Variants in NPHP1 observed in about 807,000 individuals in gnomAD.
NPHP1 encodes nephrocystin-1.
NPHP1 carries 70 observed loss-of-function variants against 90.4 expected under a neutral mutation model. The observed-to-expected ratio is 0.77, with a 90% confidence interval of 0.64 to 0.95. The LOEUF is 0.95. NPHP1 is among the 40% of genes least tolerant of loss of function. NPHP1 has a pLI of 0.00. For synonymous variants in NPHP1, 256 were observed against 271.7 expected, an observed-to-expected ratio of 0.94 and a Z score of 0.57; for missense variants, 764 against 795.9, an observed-to-expected ratio of 0.96 and a Z score of 0.48.
chr2:110,143,717 A>G, intron 15 of NPHP1, 76 bp from the exon 16 acceptor site: 4 of 1,002,752 alleles, frequency 4.0e-6, no homozygotes, highest in East Asian at 2.4e-5. Flanking sequence ...CAAGTATTTC[A>G]TGAAAATATA....
chr2:110,182,902 G>A (rs13419782), intron 2 of NPHP1, among the ~76,000 whole-genome samples: 5 of 152,038 alleles, frequency 3.3e-5, no homozygotes, highest in South Asian at 2.1e-4. Context: ...AGAGATCCAC[G>A]TCATTTGCAA....
intron 2 of NPHP1, among the ~76,000 whole-genome samples, chr2:110,193,871 C>A (rs1346136048): frequency 1.3e-5 from 2 of 152,094 alleles, no homozygotes; most frequent in African/African-American, 4.8e-5. Context: ...AACCACTAAA[C>A]CACATGGAAA....
At chr2:110,155,307 G>A (rs779468599) in intron 11 of NPHP1, among the ~76,000 whole-genome samples, 12 of 152,150 alleles carry the variant, frequency 7.9e-5, no homozygotes, top group Non-Finnish European at 1.5e-4. Flanking sequence ...TGCAGGGGCG[G>A]GGCTCTCATG....
intron 16 of NPHP1, among the ~76,000 whole-genome samples, chr2:110,138,437 A>G (rs546893028): frequency 1.1e-4 from 16 of 152,314 alleles, no homozygotes; most frequent in Non-Finnish European, 1.2e-4. Context: ...GATATACAGC[A>G]TGTGATACAT....
intron 6 of NPHP1, among the ~76,000 whole-genome samples, chr2:110,167,915 T>C (rs1222717380): frequency 1.3e-5 from 2 of 152,192 alleles, no homozygotes; most frequent in African/African-American, 4.8e-5. Context: ...GTGTCAGAAG[T>C]GGCATCAGCA....
chr2:110,201,066 C>T (rs1400695837), intron 2 of NPHP1, among the ~76,000 whole-genome samples: 1 of 151,682 alleles, frequency 6.6e-6, no homozygotes, highest in African/African-American at 2.4e-5. Flanking sequence ...CAAAAAACAC[C>T]CACCTAGAAA....
intron 16 of NPHP1, among the ~76,000 whole-genome samples, chr2:110,143,054 G>A (rs1487643194): frequency 6.6e-6 from 1 of 152,150 alleles, no homozygotes; most frequent in Non-Finnish European, 1.5e-5. Flanking sequence ...AAATAGGTGT[G>A]CCTGCCTGAG....
chr2:110,130,764 C>G (rs1278772877), intron 17 of NPHP1, among the ~76,000 whole-genome samples: 2 of 152,184 alleles, frequency 1.3e-5, no homozygotes, highest in Non-Finnish European at 2.9e-5. Flanking sequence ...CTTCCCCACA[C>G]ACTTCCCTCA....
intron 19 of NPHP1, chr2:110,125,190 G>A (rs747360110): frequency 4.3e-5 from 66 of 1,531,274 alleles, no homozygotes; most frequent in Middle Eastern, 1.7e-4. Context: ...ACGACTCACC[G>A]ATTAAAGCAA....
chr2:110,142,254 G>T (rs1478919307), intron 16 of NPHP1, among the ~76,000 whole-genome samples: 2 of 151,960 alleles, frequency 1.3e-5, no homozygotes, highest in Non-Finnish European at 2.9e-5. Flanking sequence ...CTCAACTTAT[G>T]GTGGGTTATA....
intron 4 of NPHP1, 29 bp downstream of exon 4, chr2:110,178,387 TAAAAAAG>T (rs771478106): frequency 1.2e-6 from 2 of 1,607,150 alleles, no homozygotes; most frequent in Non-Finnish European, 1.7e-6. Context: ...GATATATCTT[TAAAAAAG>T]AAAAAAGAAA....
Position 110,178,541 on chromosome 2 carries a change from C to T in NPHP1, c.211G>A (p.Glu71Lys). The change falls in exon 4 of 20, where the codon GAA (glutamate) becomes AAA (lysine). Residue 71 changes from glutamate (E) to lysine (K), a missense_variant. Transcript: ENST00000445609. ...TTATAGTTTGCAACAGGTGCAGATTCATCAGCCTATGAGAGAATATAGGTC... is the reference window on the plus strand; with the variant it reads ...TTATAGTTTGCAACAGGTGCAGATTTATCAGCCTATGAGAGAATATAGGTC... The part of the protein sequence containing the change: ...NALQKLSKAD[E>K]SAPVANYNQR... The T allele has an allele frequency of 6.2e-7, 1 of 1,613,292 alleles. No homozygotes were observed. The highest frequency in any genetic ancestry group is 2.2e-5 in the East Asian group (1 of 44,838).
rs1175597090 is a variant in NPHP1, at chr2:110,200,249, T to C, written c.143+1172A>G. Among the ~76,000 whole-genome samples the C allele has an allele frequency of 1.3e-4, 15 of 117,546 alleles. No homozygotes were observed. The East Asian group carries it at 2.8e-3, about 22-fold the overall frequency. 77.1% of individuals were successfully genotyped at this position (117,546 alleles called of 152,430 possible). On this transcript the variant is annotated intron_variant, in intron 2 of 19. Coordinates refer to ENST00000445609, the MANE Select transcript of NPHP1 (RefSeq NM_001128178.3). ...CAGCCTGGGCGACAGAGAGAGACTC[T>C]ATCTCAAAAAAAATAAAACATAACA...
At position 110,204,922 on chromosome 2, in the gene NPHP1, C is replaced by A. The variant is rs768651391; in HGVS notation, c.47G>T (p.Arg16Leu). The change falls in exon 1 of 20, where the codon CGC becomes CTC. Residue 16 changes from arginine (R) to leucine (L), a missense_variant. Coordinates refer to ENST00000445609, the MANE Select transcript of NPHP1 (RefSeq NM_001128178.3). The stretch of plus-strand genomic sequence containing the variant: ...TACCTGTTGCTTCAGCTCCTGATTG[C>A]GGCGCCGCAGGGCCTGGAGAGGATC... Reference protein sequence around the residue: ...QRDPLQALRRRNQELKQQVDS... With the variant: ...QRDPLQALRRLNQELKQQVDS... 6.2e-7 allele frequency: 1 copy of A among 1,613,888 alleles called. No homozygotes were observed. The highest frequency in any genetic ancestry group is 8.5e-7 in the Non-Finnish European group (1 of 1,179,948).
At chr2:110,165,758 A>C (rs1170945701) in intron 6 of NPHP1, among the ~76,000 whole-genome samples, 1 of 152,092 alleles carries the variant, frequency 6.6e-6, no homozygotes, top group Non-Finnish European at 1.5e-5. Flanking sequence ...CTTAGAAATC[A>C]ATGAAAGAGT....
At chr2:110,139,854 C>T (rs1388048888) in intron 16 of NPHP1, among the ~76,000 whole-genome samples, 1 of 152,126 alleles carries the variant, frequency 6.6e-6, no homozygotes, top group East Asian at 1.9e-4. Flanking sequence ...GGTGTCATTA[C>T]CCGTCTTGTT....
chr2:110,165,709 A>G (rs1305850197), intron 6 of NPHP1, among the ~76,000 whole-genome samples: 1 of 152,088 alleles, frequency 6.6e-6, no homozygotes, highest in Non-Finnish European at 1.5e-5. Context: ...ACAAATATCT[A>G]AGGATTAATA....
At chr2:110,164,807 G>A (rs1198120456) in intron 7 of NPHP1, 77 bp from the exon 8 acceptor site, 1 of 1,237,792 alleles carries the variant, frequency 8.1e-7, no homozygotes, top group Non-Finnish European at 1.2e-6. Context: ...TTTAATCACA[G>A]TTGATAATCA....
chr2:110,184,851 C>T, intron 2 of NPHP1: 2 of 702,340 alleles, frequency 2.8e-6, no homozygotes, highest in Admixed American at 3.5e-5. Flanking sequence ...TTCCGGGCCC[C>T]TGAGCTGCTC....
Sources: gnomAD v4.1 joint callset for allele counts (sites outside exome capture counted in the v4.1 genomes callset) on GRCh38, gnomAD v4.1.1 for gene constraint, MANE v1.5 for transcripts, NCBI Gene and HGNC (gene_info 2026-07-23, HGNC 2026-07-21) for gene names.